Variants in INPP4B observed in about 807,000 individuals in gnomAD.
INPP4B encodes the protein inositol polyphosphate-4-phosphatase type II B, also known as inositol polyphosphate 4-phosphatase type II.
In INPP4B, 55 loss-of-function variants were observed where a neutral mutation model predicts 122.5. The observed-to-expected ratio is 0.45, with a 90% CI of 0.36 to 0.56. INPP4B has a LOEUF of 0.56. INPP4B is among the 20% of genes least tolerant of loss of function. INPP4B has a pLI of 0.00. For missense variants in INPP4B, 1,000 were observed against 1,097.7 expected (o/e 0.91, Z 1.26); for synonymous variants, 403 against 388.7 (o/e 1.04, Z -0.43).
intron 2 of INPP4B, chr4:142,583,545 T>G (rs1735557594): frequency 6.6e-6 from 1 of 152,080 alleles, no homozygotes; most frequent in South Asian, 2.1e-4. Context: ...CAAGCAAACC[T>G]CATCAAGGTT....
At chr4:142,443,120 T>C (rs945476889) in intron 3 of INPP4B, among the ~76,000 whole-genome samples, 1 of 152,128 alleles carries the variant, frequency 6.6e-6, no homozygotes, top group African/African-American at 2.4e-5. Context: ...AACCAAACCA[T>C]ATCAGACCTC....
chr4:142,805,177 C>T (rs1033611145), intron 1 of INPP4B, among the ~76,000 whole-genome samples: 1 of 152,126 alleles, frequency 6.6e-6, no homozygotes, highest in Non-Finnish European at 1.5e-5. Flanking sequence ...AAATGTTTAA[C>T]TAAATAGAAA....
chr4:142,773,544 C>T (rs1164103107), intron 1 of INPP4B, among the ~76,000 whole-genome samples: 1 of 152,170 alleles, frequency 6.6e-6, no homozygotes, highest in Non-Finnish European at 1.5e-5. Context: ...GTGAGATTTA[C>T]TATCTACAAG....
intron 2 of INPP4B, among the ~76,000 whole-genome samples, chr4:142,649,122 G>A (rs904582554): frequency 6.6e-6 from 1 of 152,202 alleles, no homozygotes; most frequent in Non-Finnish European, 1.5e-5. Flanking sequence ...ACCTGCAGCT[G>A]AGGGACCTGA....
intron 2 of INPP4B, among the ~76,000 whole-genome samples, chr4:142,533,620 G>A (rs1314098818): frequency 2.0e-5 from 3 of 152,118 alleles, no homozygotes; most frequent in East Asian, 1.9e-4. Flanking sequence ...TAAAAGATTA[G>A]ACTAAAAACA....
At chr4:142,832,238 G>T (rs2151186241) in intron 1 of INPP4B, among the ~76,000 whole-genome samples, 1 of 152,164 alleles carries the variant, frequency 6.6e-6, no homozygotes, top group East Asian at 1.9e-4. Flanking sequence ...AAGCATATTG[G>T]GTTCCAAAGC....
chr4:142,824,345 T>TCTGGAGAA (rs1781194917), intron 1 of INPP4B, among the ~76,000 whole-genome samples: 2 of 152,134 alleles, frequency 1.3e-5, no homozygotes, highest in East Asian at 3.9e-4. Flanking sequence ...TATCTCTTTC[T>TCTGGAGAA]CCTACTGGTT....
chr4:142,136,761 G>C (rs1804550272), intron 18 of INPP4B, among the ~76,000 whole-genome samples: 1 of 152,186 alleles, frequency 6.6e-6, no homozygotes, highest in African/African-American at 2.4e-5. Flanking sequence ...AAAAGAGGGA[G>C]AAAGCTTGGC....
At chr4:142,471,471 C>T (rs148305835) in intron 2 of INPP4B, among the ~76,000 whole-genome samples, 17 of 152,304 alleles carry the variant, frequency 1.1e-4, no homozygotes, top group African/African-American at 2.6e-4. Flanking sequence ...ATCACCAAGA[C>T]GGATGCTAGA....
intron 14 of INPP4B, among the ~76,000 whole-genome samples, chr4:142,199,366 A>G (rs1465382302): frequency 6.6e-6 from 1 of 152,060 alleles, no homozygotes; most frequent in Non-Finnish European, 1.5e-5. Context: ...AAAGATGCAC[A>G]TGTACACACA....
intron 17 of INPP4B, among the ~76,000 whole-genome samples, chr4:142,152,297 G>A (rs535197896): frequency 1.3e-5 from 2 of 151,512 alleles, no homozygotes; most frequent in Non-Finnish European, 2.9e-5. Context: ...GGATGGTCTC[G>A]ATCTCCTGAG....
intron 7 of INPP4B, among the ~76,000 whole-genome samples, chr4:142,361,877 T>A (rs533134091): frequency 6.6e-6 from 1 of 152,144 alleles, no homozygotes; most frequent in East Asian, 1.9e-4. Flanking sequence ...ATAAATCTAT[T>A]ATGTCAGCAA....
intron 18 of INPP4B, among the ~76,000 whole-genome samples, chr4:142,142,152 A>G (rs1314859093): frequency 1.3e-5 from 2 of 152,098 alleles, no homozygotes; most frequent in East Asian, 1.9e-4. Context: ...TCAATTCACT[A>G]ATTAATTGTA....
chr4:142,831,686 G>A (rs961073749), intron 1 of INPP4B, among the ~76,000 whole-genome samples: 3 of 152,062 alleles, frequency 2.0e-5, no homozygotes, highest in African/African-American at 7.2e-5. Context: ...CCAAGATTAA[G>A]CCTTTATGTT....
chr4:142,452,094 C>T (rs1345077959), intron 3 of INPP4B, among the ~76,000 whole-genome samples: 3 of 152,194 alleles, frequency 2.0e-5, no homozygotes, highest in Non-Finnish European at 4.4e-5. Flanking sequence ...TGATTTTCCC[C>T]ACCCTGTGTC....
In INPP4B at chr4:142,112,585, G is replaced by T; in HGVS notation, c.2233C>A (p.Leu745Ile). The change falls in exon 22 of 26, where the codon CTT becomes ATT. Residue 745 changes from leucine (L) to isoleucine (I), a missense_variant. Physicochemically the swap from Leu to Ile is conservative, Grantham distance 5. Transcript: ENST00000262992. ...TGTTCATTGATTCCAACATTAAAAA[G>T]TACTGGATACACATGAAGCAACTGT... Reference protein sequence around the residue: ...EGQLLHVYPVLFNVGINEQQT... With the variant: ...EGQLLHVYPVIFNVGINEQQT... 1 of 1,613,210 alleles carries T rather than the reference G, an allele frequency of 6.2e-7. No individual in the cohort carries two copies. Among genetic ancestry groups the T allele is most frequent in the Non-Finnish European group, 8.5e-7 (1 of 1,179,460 alleles).
At chr4:142,451,343 T>C (rs966210899) in intron 3 of INPP4B, among the ~76,000 whole-genome samples, 1 of 144,856 alleles carries the variant, frequency 6.9e-6, no homozygotes, top group Non-Finnish European at 1.5e-5. Context: ...CTCTGCCTCC[T>C]GGATTCAAGC....
intron 7 of INPP4B, among the ~76,000 whole-genome samples, chr4:142,323,266 T>C (rs1213966243): frequency 6.6e-6 from 1 of 152,136 alleles, no homozygotes; most frequent in East Asian, 1.9e-4. Flanking sequence ...CACAGACACG[T>C]GCATCATAGT....
chr4:142,038,694 C>T (rs531616160), intron 25 of INPP4B, among the ~76,000 whole-genome samples: 36 of 152,190 alleles, frequency 2.4e-4, no homozygotes, highest in African/African-American at 8.2e-4. Flanking sequence ...ATCCATTGCA[C>T]TGGAGAAGAG....
Sources: allele counts gnomAD v4.1 joint callset (sites outside exome capture counted in the v4.1 genomes callset), GRCh38; gene constraint gnomAD v4.1.1; transcripts MANE v1.5; gene names NCBI Gene and HGNC (gene_info 2026-07-23, HGNC 2026-07-21).